Variants in DLG2 observed in about 807,000 individuals in gnomAD.
DLG2 encodes the protein disks large homolog 2.
A neutral mutation model predicts 132.5 loss-of-function variants in DLG2; 45 were observed. The observed-to-expected ratio is 0.34, with a 90% CI of 0.27 to 0.44. The LOEUF (loss-of-function observed/expected upper bound fraction) is 0.44. DLG2 is among the 20% of genes least tolerant of loss of function. The pLI, the probability that DLG2 is intolerant of heterozygous loss-of-function variation, is 1.00. For synonymous variants in DLG2, 424 were observed against 419.6 expected (o/e 1.01, Z -0.13); for missense variants, 1,045 against 1,196.9 (o/e 0.87, Z 1.87).
At chr11:84,332,278 C>G (rs2098463931) in intron 7 of DLG2, among the ~76,000 whole-genome samples, 1 of 148,742 alleles carries the variant, frequency 6.7e-6, no homozygotes, top group African/African-American at 2.5e-5. Flanking sequence ...GTGGCGCGAT[C>G]TTGGCTCACT....
intron 6 of DLG2, among the ~76,000 whole-genome samples, chr11:84,655,738 GTTT>G (rs5793131): frequency 7.4e-6 from 1 of 135,144 alleles, no homozygotes. Context: ...TTTTTTGTTT[GTTT>G]TTTTTTTTTT....
At chr11:84,760,720 A>AT (rs1305535765) in intron 6 of DLG2, among the ~76,000 whole-genome samples, 1 of 152,190 alleles carries the variant, frequency 6.6e-6, no homozygotes, top group African/African-American at 2.4e-5. Context: ...GCAGTCCTGT[A>AT]TATACTAATA....
chr11:84,076,063 T>G (rs2154149823), intron 10 of DLG2, among the ~76,000 whole-genome samples: 1 of 152,360 alleles, frequency 6.6e-6, no homozygotes, highest in Non-Finnish European at 1.5e-5. Flanking sequence ...TCCAGAAACC[T>G]GGTTTCATTT....
chr11:84,217,699 C>T (rs1295627650), intron 8 of DLG2, among the ~76,000 whole-genome samples: 1 of 152,168 alleles, frequency 6.6e-6, no homozygotes, highest in African/African-American at 2.4e-5. Flanking sequence ...AGACACATTC[C>T]ATGCTGGATT....
intron 7 of DLG2, among the ~76,000 whole-genome samples, chr11:84,525,479 A>C (rs1167063295): frequency 6.6e-6 from 1 of 151,882 alleles, no homozygotes; most frequent in East Asian, 1.9e-4. Context: ...TGTCCTGATG[A>C]TATCTCTTTT....
At chr11:83,886,224 T>A (rs553821107) in intron 15 of DLG2, among the ~76,000 whole-genome samples, 1 of 151,996 alleles carries the variant, frequency 6.6e-6, no homozygotes, top group African/African-American at 2.4e-5. Flanking sequence ...CAGAGACACA[T>A]ATAGGCTCAA....
At chr11:83,895,852 TC>T (rs2071492498) in intron 15 of DLG2, among the ~76,000 whole-genome samples, 1 of 152,210 alleles carries the variant, frequency 6.6e-6, no homozygotes, top group Non-Finnish European at 1.5e-5. Context: ...GGCTGTGAAC[TC>T]CCTGAAGGCT....
intron 6 of DLG2, among the ~76,000 whole-genome samples, chr11:84,861,564 T>A (rs898550197): frequency 1.6e-4 from 13 of 79,032 alleles, no homozygotes; most frequent in Non-Finnish European, 3.3e-4. Flanking sequence ...GCAATGGCAA[T>A]AAAAGCCAAA....
intron 7 of DLG2, among the ~76,000 whole-genome samples, chr11:84,481,620 C>T (rs1306883963): frequency 6.6e-6 from 1 of 152,044 alleles, no homozygotes; most frequent in Non-Finnish European, 1.5e-5. Flanking sequence ...ACTAAAAAGC[C>T]TTCTCTCATT....
intron 8 of DLG2, among the ~76,000 whole-genome samples, chr11:84,173,421 C>G (rs1402588911): frequency 6.6e-6 from 1 of 152,184 alleles, no homozygotes; most frequent in African/African-American, 2.4e-5. Context: ...TTTGTCCCAA[C>G]AAATCTCCTC....
intron 18 of DLG2, among the ~76,000 whole-genome samples, chr11:83,770,278 T>TTTTTTTTTTTTTTTTTTTTTC (rs1357001300): frequency 6.6e-6 from 1 of 151,576 alleles, no homozygotes; most frequent in African/African-American, 2.4e-5. Flanking sequence ...TTTTTGCTTT[T>TTTTTTTTTTTTTTTTTTTTTC]TGTACAAAGA....
At chr11:83,486,141 C>A in intron 21 of DLG2, 2 of 607,062 alleles carry the variant, frequency 3.3e-6, no homozygotes, top group Non-Finnish European at 5.8e-6. Flanking sequence ...TGAGAACTGC[C>A]CCCAAATTTT....
chr11:85,300,531 A>G (rs1476557320), intron 3 of DLG2, among the ~76,000 whole-genome samples: 1 of 152,182 alleles, frequency 6.6e-6, no homozygotes, highest in Non-Finnish European at 1.5e-5. Context: ...CCCATCAGAG[A>G]TGGACTCTCA....
intron 6 of DLG2, among the ~76,000 whole-genome samples, chr11:84,816,739 G>A (rs2077122803): frequency 6.6e-6 from 1 of 151,914 alleles, no homozygotes; most frequent in Non-Finnish European, 1.5e-5. Context: ...CTAAAATAAA[G>A]ATCTAACTCA....
At chr11:84,076,239 T>C (rs376812072) in intron 10 of DLG2, among the ~76,000 whole-genome samples, 7 of 152,112 alleles carry the variant, frequency 4.6e-5, no homozygotes, top group Non-Finnish European at 8.8e-5. Flanking sequence ...AAGGAGGCCA[T>C]AGGCATGAGG....
intron 8 of DLG2, among the ~76,000 whole-genome samples, chr11:84,199,180 C>A (rs145910519): frequency 1.3e-5 from 2 of 152,194 alleles, no homozygotes. Context: ...TGCTAGAAAG[C>A]TTTGAATCTA....
chr11:85,187,460 G>A (rs2080196011), intron 4 of DLG2, among the ~76,000 whole-genome samples: 1 of 151,868 alleles, frequency 6.6e-6, no homozygotes, highest in African/African-American at 2.4e-5. Flanking sequence ...ATTAATTTGA[G>A]TGCTAACTAT....
intron 6 of DLG2, among the ~76,000 whole-genome samples, chr11:84,649,568 G>A (rs201309328): frequency 6.6e-6 from 1 of 152,164 alleles, no homozygotes; most frequent in Non-Finnish European, 1.5e-5. Context: ...GCTATGATTT[G>A]TGTGTTTTGT....
chr11:85,541,158 C>T (rs2075940450), intron 3 of DLG2, among the ~76,000 whole-genome samples: 1 of 152,138 alleles, frequency 6.6e-6, no homozygotes, highest in South Asian at 2.1e-4. Flanking sequence ...ATCCTAAGGA[C>T]TTTTAACTTT....
Sources: gnomAD v4.1 joint callset for allele counts (sites outside exome capture counted in the v4.1 genomes callset) on GRCh38, gnomAD v4.1.1 for gene constraint, MANE v1.5 for transcripts, NCBI Gene and HGNC (gene_info 2026-07-23, HGNC 2026-07-21) for gene names.